The following PTPRS variants were observed in gnomAD, a reference collection of about 807,000 sequenced individuals.
PTPRS encodes receptor-type tyrosine-protein phosphatase S.
PTPRS carries 63 observed loss-of-function variants against 215.3 expected under a neutral mutation model. That is an observed-to-expected ratio of 0.29 (90% CI 0.24 to 0.36). The LOEUF (loss-of-function observed/expected upper bound fraction) is 0.36. Among genes scored for constraint, PTPRS ranks in the 10% least tolerant of loss-of-function variants. The pLI is 1.00. For missense variants in PTPRS, 2,258 were observed against 2,825.8 expected (o/e 0.80, Z 4.56); for synonymous variants, 1,404 against 1,191.4 (o/e 1.18, Z -3.68).
At chr19:5,324,226 CAAAAA>C (rs55793961) in intron 1 of PTPRS, among the ~76,000 whole-genome samples, 2 of 73,876 alleles carry the variant, frequency 2.7e-5, no homozygotes, top group Admixed American at 1.5e-4. Context: ...AACCCTGCCT[CAAAAA>C]AAAAAAAAAA....
intron 5 of PTPRS, among the ~76,000 whole-genome samples, chr19:5,264,686 C>G (rs2046274714): frequency 6.6e-6 from 1 of 152,190 alleles, no homozygotes; most frequent in African/African-American, 2.4e-5. Context: ...ATGGGAGACA[C>G]TCTCCCCGCC....
At chr19:5,268,038 C>T (rs1043289997) in intron 4 of PTPRS, among the ~76,000 whole-genome samples, 10 of 152,056 alleles carry the variant, frequency 6.6e-5, no homozygotes, top group Admixed American at 2.6e-4. Flanking sequence ...GGCTTGGTGA[C>T]GGGCACCTGT....
Position 5,244,983 on chromosome 19 carries a change from CTT to C in PTPRS, c.989-503_989-502del, listed in dbSNP as rs34897765. 2.5e-4 allele frequency among the ~76,000 whole-genome samples: 27 copies of C among 108,118 alleles called. No homozygotes were observed. The highest frequency in any genetic ancestry group is 3.1e-4 in the Admixed American group (3 of 9,596). 70.9% of individuals were successfully genotyped at this position (108,118 alleles called of 152,430 possible). A position where few individuals can be genotyped will look rare whatever the true frequency, so the allele number is the denominator to read the frequency against. On this transcript the variant is annotated intron_variant, in intron 10 of 37. Transcript: ENST00000262963. This position sits in a 1 kb window ranked among gnomAD's most constrained non-coding sequence, Gnocchi z 7.2. ...GCACCCGGCCTTTTTTTTCTTTTTT[CTT>C]TTTTTTTTTTTTTAGACGGAGCCTT...
Position 5,214,353 on chromosome 19 carries a change from G to A in PTPRS, c.4614+8C>T, listed in dbSNP as rs1282546137. 7 of 1,613,840 alleles carry A rather than the reference G, an allele frequency of 4.3e-6. No individual in the cohort carries two copies. The African/African-American group carries it at 5.3e-5, about 12-fold the overall frequency. On this transcript the variant is annotated splice_region_variant and intron_variant, in intron 30 of 37. Transcript: ENST00000262963. ...ACCCTCAGCCCCCAGCCCCAGCCTG[G>A]GCCCCACCTTGTGCAGAGAGAATGT...
chr19:5,329,503 C>T (rs965130468), intron 1 of PTPRS, among the ~76,000 whole-genome samples: 3 of 152,186 alleles, frequency 2.0e-5, no homozygotes, highest in Non-Finnish European at 2.9e-5. Context: ...CAGTGGCTCA[C>T]GCCTGGAATC....
chr19:5,214,781 C>A, intron 28 of PTPRS, 45 bp from the exon 29 acceptor site: 1 of 1,556,946 alleles, frequency 6.4e-7, no homozygotes, highest in South Asian at 1.2e-5. Context: ...GGCTGTCTTG[C>A]TAGTTTGGCT....
chr19:5,336,817 A>C (rs1271509039), intron 1 of PTPRS, among the ~76,000 whole-genome samples: 1 of 148,494 alleles, frequency 6.7e-6, no homozygotes, highest in Non-Finnish European at 1.5e-5. Context: ...GGTGGGGGGG[A>C]GGGTCTCTCT....
chr19:5,219,450 G>A lies in PTPRS; in HGVS notation c.3783C>T (p.Pro1261=). 2 of 1,597,190 alleles carry A rather than the reference G, an allele frequency of 1.3e-6. No homozygotes were observed. Among genetic ancestry groups the A allele is most frequent in the South Asian group, 1.1e-5 (1 of 88,542 alleles). ...TATCCAGCTGGAAGGGGTCTGAGAA[G>A]GGACTGGCTGCAAAGGTCTGCAGGG... is the stretch of plus-strand genomic sequence containing the variant. The part of the protein sequence containing the change: ...QKSEPTFAAS[P]FSDPFQLDNP... Residue 1261 remains proline (P), a synonymous_variant, in exon 23 of 38, where the codon CCC becomes CCT. Coordinates refer to ENST00000262963, the MANE Select transcript of PTPRS (RefSeq NM_002850.4).
chr19:5,317,731 G>C (rs533369571), intron 1 of PTPRS, among the ~76,000 whole-genome samples: 1 of 152,116 alleles, frequency 6.6e-6, no homozygotes, highest in Non-Finnish European at 1.5e-5. Flanking sequence ...AGGGTGGGGT[G>C]TGTGGCCCAC....
In PTPRS at chr19:5,260,812, C is replaced by G. The variant is rs368691545; in HGVS notation, c.588G>C (p.Pro196=). The G allele has an allele frequency of 1.4e-5, 23 of 1,613,574 alleles. No homozygotes were observed. Among genetic ancestry groups the G allele is most frequent in the Admixed American group, 1.3e-4 (8 of 59,984 alleles). Residue 196 remains proline, a synonymous_variant, in exon 7 of 38, where the codon CCG becomes CCC. Coordinates refer to ENST00000262963, the MANE Select transcript of PTPRS (RefSeq NM_002850.4). ...QLRSETFEST[P]IRGALQIESS... is the part of the protein sequence containing the mutation. Reference sequence around the variant, plus strand: ...GAGTGAGGAGCCTCTTACCTCGAATCGGAGTGCTTTCTGTAAGGGAAGCAG... The same window carrying G: ...GAGTGAGGAGCCTCTTACCTCGAATGGGAGTGCTTTCTGTAAGGGAAGCAG...
intron 18 of PTPRS, 150 bp downstream of exon 18, chr19:5,222,539 G>T: frequency 1.1e-6 from 1 of 932,742 alleles, no homozygotes; most frequent in Non-Finnish European, 1.5e-6. Flanking sequence ...CTTTGCCAAC[G>T]CCGGAGCCTC....
chr19:5,236,943 A>G (rs2043504718), intron 13 of PTPRS, among the ~76,000 whole-genome samples: 2 of 152,148 alleles, frequency 1.3e-5, no homozygotes, highest in South Asian at 4.1e-4. Flanking sequence ...ACCATAATAA[A>G]ATAAGAAACA....
At chr19:5,219,854 A>T (rs1016588499) in intron 22 of PTPRS, 85 bp downstream of exon 22, 2 of 1,450,016 alleles carry the variant, frequency 1.4e-6, no homozygotes, top group African/African-American at 2.8e-5. Flanking sequence ...CCTGTGACTG[A>T]CCACAGAGGT....
chr19:5,322,214 C>T (rs2050041836), intron 1 of PTPRS, among the ~76,000 whole-genome samples: 1 of 152,240 alleles, frequency 6.6e-6, no homozygotes, highest in East Asian at 1.9e-4. Flanking sequence ...CAGACACCCT[C>T]GCGGCCGTGC....
intron 1 of PTPRS, among the ~76,000 whole-genome samples, chr19:5,340,149 T>C (rs1210981990): frequency 6.6e-6 from 1 of 151,148 alleles, no homozygotes; most frequent in Non-Finnish European, 1.5e-5. Flanking sequence ...GAGCCACCCG[T>C]CCCGGCTCCT....
Position 5,243,987 on chromosome 19 carries a change from T to C in PTPRS, c.1484A>G (p.Glu495Gly). ...LTTVGSLLED[E>G]TYTVRVLAFT... is the part of the protein sequence containing the mutation. ...GGCGAGCACCCGCACGGTGTAGGTC[T>C]CGTCCTCCAGCAGGCTGCCCACGGT... The change falls in exon 11 of 38, where the codon GAG (glutamate) becomes GGG (glycine). Residue 495 changes from glutamate to glycine, a missense_variant. Coordinates refer to ENST00000262963, the MANE Select transcript of PTPRS (RefSeq NM_002850.4). The C allele has an allele frequency of 5.0e-6, 8 of 1,603,908 alleles. No homozygotes were observed. The highest frequency in any genetic ancestry group is 5.9e-6 in the Non-Finnish European group (7 of 1,179,782).
intron 4 of PTPRS, among the ~76,000 whole-genome samples, chr19:5,267,468 C>G (rs887783702): frequency 1.2e-4 from 18 of 151,768 alleles, no homozygotes; most frequent in African/African-American, 4.4e-4. Flanking sequence ...ACCAGCCTGG[C>G]CAACATGGTG....
intron 1 of PTPRS, among the ~76,000 whole-genome samples, chr19:5,301,586 G>T (rs2049306034): frequency 6.6e-6 from 1 of 151,852 alleles, no homozygotes; most frequent in Admixed American, 6.6e-5. Context: ...AAAGTGCCAG[G>T]ATTACATGCA....
At chr19:5,309,100 G>A (rs974337653) in intron 1 of PTPRS, among the ~76,000 whole-genome samples, 3 of 152,150 alleles carry the variant, frequency 2.0e-5, no homozygotes, top group African/African-American at 7.2e-5. Context: ...AGGGGAGCCT[G>A]GAAACCACCA....
Sources: gnomAD v4.1 joint callset for allele counts (sites outside exome capture counted in the v4.1 genomes callset) on GRCh38, gnomAD v4.1.1 for gene constraint, Gnocchi (gnomAD v3.1) non-coding constraint, MANE v1.5 for transcripts, NCBI Gene and HGNC (gene_info 2026-07-23, HGNC 2026-07-21) for gene names.